Variants in CLSTN2 observed in about 807,000 individuals in gnomAD.
The protein encoded by CLSTN2 is calsyntenin-2.
CLSTN2 carries 48 observed loss-of-function variants against 101.2 expected under a neutral mutation model. That is an observed-to-expected ratio of 0.47 (90% CI 0.38 to 0.60). CLSTN2 has a LOEUF of 0.60. CLSTN2 is among the 20% of genes least tolerant of loss of function. The pLI, the probability that CLSTN2 is intolerant of heterozygous loss-of-function variation, is 0.00. For synonymous variants in CLSTN2, 481 were observed against 463.6 expected (o/e 1.04, Z -0.48); for missense variants, 1,160 against 1,238.2 (o/e 0.94, Z 0.95).
intron 2 of CLSTN2, among the ~76,000 whole-genome samples, chr3:140,211,944 C>T (rs1248817274): frequency 5.9e-5 from 9 of 152,196 alleles, no homozygotes; most frequent in African/African-American, 1.9e-4. Flanking sequence ...CTTCAATTCT[C>T]AGCATGCCTA....
intron 2 of CLSTN2, among the ~76,000 whole-genome samples, chr3:140,332,400 T>C (rs151133645): frequency 2.4e-4 from 36 of 152,380 alleles, no homozygotes; most frequent in African/African-American, 8.2e-4. Flanking sequence ...TACTCAATGC[T>C]GCAAGCAGCA....
chr3:140,076,995 C>T (rs2008503802), intron 1 of CLSTN2, among the ~76,000 whole-genome samples: 2 of 152,180 alleles, frequency 1.3e-5, no homozygotes, highest in South Asian at 2.1e-4. Context: ...GTCTTCTCTA[C>T]TATGGCTCCC....
intron 1 of CLSTN2, among the ~76,000 whole-genome samples, chr3:139,955,376 A>T (rs1381546656): frequency 1.3e-5 from 2 of 152,008 alleles, no homozygotes; most frequent in African/African-American, 2.4e-5. Flanking sequence ...AAGCCTGAGG[A>T]TATAAAAACC....
intron 1 of CLSTN2, among the ~76,000 whole-genome samples, chr3:140,138,329 A>G (rs1427277514): frequency 2.0e-5 from 3 of 152,196 alleles, no homozygotes; most frequent in East Asian, 1.9e-4. Context: ...CTGTCCATGG[A>G]TCTTTTTCTG....
chr3:140,474,489 A>C (rs74840742), intron 8 of CLSTN2, among the ~76,000 whole-genome samples: 147 of 152,298 alleles, frequency 9.7e-4, no homozygotes, highest in African/African-American at 3.4e-3. Context: ...TTTCTAATAG[A>C]TGAAGGTGCC....
At chr3:140,137,345 C>A (rs1180322322) in intron 1 of CLSTN2, among the ~76,000 whole-genome samples, 1 of 77,366 alleles carries the variant, frequency 1.3e-5, no homozygotes, top group East Asian at 5.1e-4. Flanking sequence ...CTGGAAAGTT[C>A]TTGCCAACCC....
Position 140,404,691 on chromosome 3 carries a change from T to A in CLSTN2, c.562T>A (p.Cys188Ser). Residue 188 changes from cysteine to serine, a missense_variant, in exon 4 of 17, where the codon TGC becomes AGC. Coordinates refer to ENST00000458420, the MANE Select transcript of CLSTN2 (RefSeq NM_022131.3). ...ILQVEAIDED[C>S]SPQYSQICNY... ...GCAGGTGGAGGCCATTGACGAGGAC[T>A]GCTCCCCACAGTACAGCCAGATCTG... 1 of 1,614,192 alleles carries A rather than the reference T, an allele frequency of 6.2e-7. No individual in the cohort carries two copies. The highest frequency in any genetic ancestry group is 1.1e-5 in the South Asian group (1 of 91,084).
At chr3:140,139,277 T>C (rs1335804146) in intron 1 of CLSTN2, among the ~76,000 whole-genome samples, 1 of 152,188 alleles carries the variant, frequency 6.6e-6, no homozygotes, top group Non-Finnish European at 1.5e-5. Flanking sequence ...CAGATGGCAA[T>C]CTTTTTAATT....
intron 8 of CLSTN2, among the ~76,000 whole-genome samples, chr3:140,515,942 G>T (rs563486016): frequency 6.6e-6 from 1 of 152,046 alleles, no homozygotes; most frequent in African/African-American, 2.4e-5. Flanking sequence ...GAATATTAAA[G>T]CCCCCACTAT....
chr3:140,092,125 A>G (rs1331071224), intron 1 of CLSTN2, among the ~76,000 whole-genome samples: 2 of 152,180 alleles, frequency 1.3e-5, no homozygotes, highest in African/African-American at 4.8e-5. Context: ...CCTTGATGAG[A>G]CTATGAGGCT....
chr3:140,337,135 C>T (rs1478461627), intron 2 of CLSTN2, among the ~76,000 whole-genome samples: 2 of 152,188 alleles, frequency 1.3e-5, no homozygotes, highest in Non-Finnish European at 2.9e-5. Context: ...AATTCTAGAG[C>T]CTCAGTAACT....
At chr3:140,268,998 T>C (rs1332300142) in intron 2 of CLSTN2, among the ~76,000 whole-genome samples, 1 of 152,188 alleles carries the variant, frequency 6.6e-6, no homozygotes, top group Non-Finnish European at 1.5e-5. Flanking sequence ...TGTTTATTAA[T>C]TGATCAGGGA....
At chr3:139,945,358 A>C (rs1345447981) in intron 1 of CLSTN2, among the ~76,000 whole-genome samples, 3 of 152,366 alleles carry the variant, frequency 2.0e-5, no homozygotes, top group African/African-American at 4.8e-5. Flanking sequence ...TAAGTATTCA[A>C]ATGGAAGTGG....
intron 1 of CLSTN2, among the ~76,000 whole-genome samples, chr3:140,112,886 T>A (rs2009179633): frequency 1.3e-5 from 2 of 152,092 alleles, no homozygotes; most frequent in Non-Finnish European, 2.9e-5. Flanking sequence ...ACCATAAAAA[T>A]CCCTTTGCAG....
rs1322775069 is a variant in CLSTN2 at position 140,404,546 on chromosome 3, G to A, written c.429-12G>A. The stretch of plus-strand genomic sequence containing the variant: ...TTTACCACCATCCCTTCCTTTCTGT[G>A]TGTGGTCCCAGGGCCGTGGTCCATA... On this transcript the variant is annotated splice_polypyrimidine_tract_variant and intron_variant, in intron 3 of 16. Transcript: ENST00000458420. The A allele has an allele frequency of 6.2e-7, 1 of 1,613,294 alleles. No individual in the cohort carries two copies. Among genetic ancestry groups the A allele is most frequent in the Non-Finnish European group, 8.5e-7 (1 of 1,179,278 alleles).
chr3:140,276,776 G>C (rs953030061), intron 2 of CLSTN2, among the ~76,000 whole-genome samples: 1 of 152,200 alleles, frequency 6.6e-6, no homozygotes, highest in African/African-American at 2.4e-5. Context: ...GTATCACATA[G>C]AACGTGTATC....
At chr3:140,032,641 G>T (rs1250481412) in intron 1 of CLSTN2, among the ~76,000 whole-genome samples, 5 of 152,190 alleles carry the variant, frequency 3.3e-5, no homozygotes, top group African/African-American at 9.6e-5. Context: ...CCAGCCACAA[G>T]TACTTTTTTC....
chr3:140,315,128 G>T (rs1255450852), intron 2 of CLSTN2, among the ~76,000 whole-genome samples: 1 of 152,224 alleles, frequency 6.6e-6, no homozygotes, highest in Non-Finnish European at 1.5e-5. Context: ...GGGAAGGGAG[G>T]ATGGCCTTCA....
At chr3:140,116,536 A>G (rs2009245522) in intron 1 of CLSTN2, among the ~76,000 whole-genome samples, 1 of 152,112 alleles carries the variant, frequency 6.6e-6, no homozygotes, top group Non-Finnish European at 1.5e-5. Context: ...GGGGTCAGTG[A>G]GGCTCCTGTG....
Sources: gnomAD v4.1 joint callset for allele counts (sites outside exome capture counted in the v4.1 genomes callset) on GRCh38, gnomAD v4.1.1 for gene constraint, MANE v1.5 for transcripts, NCBI Gene and HGNC (gene_info 2026-07-23, HGNC 2026-07-21) for gene names.